Variants in DSCAM observed in about 807,000 individuals in gnomAD.
DSCAM encodes the protein cell adhesion molecule DSCAM.
A neutral mutation model predicts 217.7 loss-of-function variants in DSCAM; 47 were observed. The ratio of observed to expected loss-of-function variants is 0.22; its 90% CI spans 0.17 to 0.28. DSCAM has a LOEUF of 0.28. Ranked by LOEUF, DSCAM falls within the 10% of genes least tolerant of loss-of-function variation. DSCAM has a pLI of 1.00. For missense variants in DSCAM, 2,080 were observed against 2,618.3 expected, an observed-to-expected ratio of 0.79 and a Z score of 4.49; for synonymous variants, 1,056 against 1,015.3, an observed-to-expected ratio of 1.04 and a Z score of -0.76.
intron 1 of DSCAM, among the ~76,000 whole-genome samples, chr21:40,814,439 A>C (rs1332198784): frequency 6.6e-6 from 1 of 152,222 alleles, no homozygotes; most frequent in African/African-American, 2.4e-5. Flanking sequence ...AGAAGTGCAA[A>C]ATCTCTCTTG....
intron 1 of DSCAM, among the ~76,000 whole-genome samples, chr21:40,712,371 G>A (rs1314026699): frequency 6.7e-5 from 10 of 149,916 alleles, no homozygotes; most frequent in Non-Finnish European, 1.3e-4. Flanking sequence ...GCTGAGGCAG[G>A]AGAATGGCGT....
chr21:40,247,096 T>C (rs2073236300), intron 11 of DSCAM, among the ~76,000 whole-genome samples: 1 of 152,062 alleles, frequency 6.6e-6, no homozygotes, highest in Non-Finnish European at 1.5e-5. Flanking sequence ...ATCATGAGAA[T>C]AGCATGTGAA....
intron 8 of DSCAM, among the ~76,000 whole-genome samples, chr21:40,321,984 G>A (rs1293786986): frequency 6.6e-6 from 1 of 152,190 alleles, no homozygotes. Flanking sequence ...ATTCAACTCA[G>A]CTTTTCTTGG....
At chr21:40,030,829 C>T (rs2088508337) in intron 32 of DSCAM, among the ~76,000 whole-genome samples, 1 of 152,140 alleles carries the variant, frequency 6.6e-6, no homozygotes, top group African/African-American at 2.4e-5. Context: ...CAGAAAGTGA[C>T]AGTAGGACCT....
chr21:40,260,546 C>T (rs906235718), intron 11 of DSCAM, among the ~76,000 whole-genome samples: 2 of 152,200 alleles, frequency 1.3e-5, no homozygotes, highest in African/African-American at 4.8e-5. Context: ...ATGGTCCCTG[C>T]AGAGGGTCAC....
chr21:40,787,503 A>AC (rs2091604578), intron 1 of DSCAM, among the ~76,000 whole-genome samples: 1 of 152,204 alleles, frequency 6.6e-6, no homozygotes. Context: ...CATAATGTCA[A>AC]AACGATTGGG....
chr21:40,728,764 C>T (rs1174941691), intron 1 of DSCAM, among the ~76,000 whole-genome samples: 2 of 152,198 alleles, frequency 1.3e-5, no homozygotes, highest in African/African-American at 4.8e-5. Flanking sequence ...TGCACAGCAC[C>T]TTAGGCCCTT....
rs111974369 is a variant in DSCAM, at chr21:40,577,649, G to T, written c.508+115161C>A. Among the ~76,000 whole-genome samples the T allele has an allele frequency of 4.7e-3, 721 of 152,266 alleles. 6 individuals are homozygous for T. Among genetic ancestry groups the T allele is most frequent in the African/African-American group, 0.016 (672 of 41,546 alleles). On this transcript the variant is annotated intron_variant, in intron 3 of 32. Coordinates refer to ENST00000400454, the MANE Select transcript of DSCAM (RefSeq NM_001389.5). ...GACGGCTAACGCTCAAAATTCTCTC[G>T]GCCCTGAAGAAGGGGGTAGATTTTC...
chr21:40,402,026 A>G (rs915663078), intron 3 of DSCAM, among the ~76,000 whole-genome samples: 3 of 135,602 alleles, frequency 2.2e-5, no homozygotes, highest in African/African-American at 7.8e-5. Flanking sequence ...GTCAAGTAAA[A>G]TTTATTCTTA....
At chr21:40,178,395 C>A (rs572432736) in intron 15 of DSCAM, among the ~76,000 whole-genome samples, 1 of 152,284 alleles carries the variant, frequency 6.6e-6, no homozygotes, top group South Asian at 2.1e-4. Context: ...GAATTTGCAA[C>A]ACTAAATATA....
chr21:40,517,756 C>T (rs2076315018), intron 3 of DSCAM, among the ~76,000 whole-genome samples: 1 of 152,144 alleles, frequency 6.6e-6, no homozygotes, highest in Non-Finnish European at 1.5e-5. Flanking sequence ...TGGGGTGCTG[C>T]TGTGGGCACT....
intron 1 of DSCAM, among the ~76,000 whole-genome samples, chr21:40,758,528 A>AAAG (rs1481181355): frequency 6.6e-6 from 1 of 151,652 alleles, no homozygotes; most frequent in East Asian, 1.9e-4. Flanking sequence ...AAAAAAAAAA[A>AAAG]AAAAAGACCT....
At chr21:40,780,751 A>G (rs2091536411) in intron 1 of DSCAM, among the ~76,000 whole-genome samples, 1 of 152,040 alleles carries the variant, frequency 6.6e-6, no homozygotes, top group Non-Finnish European at 1.5e-5. Flanking sequence ...GCCTCAGGAG[A>G]GTCCAGCTTC....
intron 3 of DSCAM, among the ~76,000 whole-genome samples, chr21:40,607,300 A>C (rs2089253090): frequency 6.6e-6 from 1 of 152,186 alleles, no homozygotes; most frequent in Non-Finnish European, 1.5e-5. Context: ...AAATGGTTCC[A>C]ATCAGTCAAA....
intron 3 of DSCAM, among the ~76,000 whole-genome samples, chr21:40,642,147 T>C (rs1178223217): frequency 6.6e-6 from 1 of 151,882 alleles, no homozygotes; most frequent in East Asian, 1.9e-4. Flanking sequence ...GGGTGATACA[T>C]CTTGTACTGG....
intron 3 of DSCAM, among the ~76,000 whole-genome samples, chr21:40,443,334 G>A (rs1043504085): frequency 2.6e-5 from 4 of 152,216 alleles, no homozygotes; most frequent in Non-Finnish European, 4.4e-5. Context: ...TGTCAATAAA[G>A]ACGTTGAAAT....
intron 12 of DSCAM, among the ~76,000 whole-genome samples, chr21:40,188,543 G>A (rs769202152): frequency 6.6e-6 from 1 of 152,018 alleles, no homozygotes; most frequent in African/African-American, 2.4e-5. Context: ...TCCTCCAACC[G>A]CATGACAACA....
intron 14 of DSCAM, among the ~76,000 whole-genome samples, chr21:40,181,458 T>G (rs938456266): frequency 2.6e-5 from 4 of 152,174 alleles, no homozygotes; most frequent in African/African-American, 9.7e-5. Context: ...GACAGACTGC[T>G]TCATTTGATT....
At chr21:40,482,746 C>G (rs897884349) in intron 3 of DSCAM, among the ~76,000 whole-genome samples, 1 of 152,148 alleles carries the variant, frequency 6.6e-6, no homozygotes, top group Non-Finnish European at 1.5e-5. Context: ...TGGAAGCCCC[C>G]TATGTTTTCT....
Sources: allele counts gnomAD v4.1 joint callset (sites outside exome capture counted in the v4.1 genomes callset), GRCh38; gene constraint gnomAD v4.1.1; transcripts MANE v1.5; gene names NCBI Gene and HGNC (gene_info 2026-07-23, HGNC 2026-07-21).